Variants in AHCYL2 observed in about 807,000 individuals in gnomAD.
The protein encoded by AHCYL2 is adenosylhomocysteinase like 2, also known as S-adenosylhomocysteine hydrolase-like protein 2.
In AHCYL2, 28 loss-of-function variants were observed where a neutral mutation model predicts 81.4. The observed-to-expected ratio is 0.34, with a 90% CI of 0.25 to 0.47. The LOEUF is 0.47. Among genes scored for constraint, AHCYL2 ranks in the 20% least tolerant of loss-of-function variants. The probability of loss-of-function intolerance (pLI) is 1.00; values close to 1 mark genes in which losing one functional copy is unlikely to be tolerated. For synonymous variants in AHCYL2, 272 were observed against 290.2 expected, an observed-to-expected ratio of 0.94 and a Z score of 0.64; for missense variants, 551 against 785.1, an observed-to-expected ratio of 0.70 and a Z score of 3.56.
chr7:129,290,178 G>A (rs1022004661), intron 1 of AHCYL2, among the ~76,000 whole-genome samples: 2 of 152,136 alleles, frequency 1.3e-5, no homozygotes, highest in African/African-American at 2.4e-5. Context: ...AATGTCAAAT[G>A]AATGAGTTGA....
intron 1 of AHCYL2, among the ~76,000 whole-genome samples, chr7:129,237,555 GA>G (rs1794683335): frequency 4.5e-5 from 1 of 22,180 alleles, no homozygotes; most frequent in Admixed American, 9.1e-4. Flanking sequence ...CTATTTTAGC[GA>G]TTTTTTTTTT....
chr7:129,342,059 G>C (rs1170068465), intron 1 of AHCYL2, among the ~76,000 whole-genome samples: 1 of 152,136 alleles, frequency 6.6e-6, no homozygotes, highest in East Asian at 1.9e-4. Context: ...ATTAAGAGAA[G>C]GGAAGGAGAA....
At chr7:129,299,456 C>T (rs1158990579) in intron 1 of AHCYL2, among the ~76,000 whole-genome samples, 4 of 129,580 alleles carry the variant, frequency 3.1e-5, no homozygotes, top group South Asian at 2.6e-4. Context: ...TGCAGTGGCG[C>T]GATCTCGGCT....
Position 129,413,575 on chromosome 7 carries a change from C to T in AHCYL2, c.1367-19C>T, listed in dbSNP as rs569243714. Reference sequence around the variant, plus strand: ...TTATCTTTCTCCACTGCTGCTCAGACCTCTCTTCTGTTTTTAAGGTAACAA... The same window carrying T: ...TTATCTTTCTCCACTGCTGCTCAGATCTCTCTTCTGTTTTTAAGGTAACAA... On this transcript the variant is annotated intron_variant, in intron 11 of 16. Coordinates refer to ENST00000325006, the MANE Select transcript of AHCYL2 (RefSeq NM_015328.4). The T allele has an allele frequency of 1.0e-4, 160 of 1,591,484 alleles. No individual in the cohort carries two copies. Among genetic ancestry groups the T allele is most frequent in the Non-Finnish European group, 1.3e-4 (153 of 1,159,712 alleles).
intron 1 of AHCYL2, among the ~76,000 whole-genome samples, chr7:129,248,758 A>G (rs763117534): frequency 1.2e-4 from 18 of 152,032 alleles, no homozygotes; most frequent in South Asian, 2.1e-4. Flanking sequence ...CTGTAGGTCA[A>G]TTCGGGAGAA....
chr7:129,372,123 A>G (rs1331341260), intron 1 of AHCYL2, among the ~76,000 whole-genome samples: 1 of 152,262 alleles, frequency 6.6e-6, no homozygotes, highest in African/African-American at 2.4e-5. Flanking sequence ...CATCCATGGA[A>G]TATAGGTTAA....
chr7:129,287,007 GA>G, intron 1 of AHCYL2, among the ~76,000 whole-genome samples: 1 of 152,154 alleles, frequency 6.6e-6, no homozygotes, highest in East Asian at 1.9e-4. Flanking sequence ...ATATTTTCAT[GA>G]AAAGTAACTA....
intron 1 of AHCYL2, among the ~76,000 whole-genome samples, chr7:129,227,258 T>C (rs1164760395): frequency 6.6e-6 from 1 of 152,008 alleles, no homozygotes; most frequent in Non-Finnish European, 1.5e-5. Context: ...TTTATTTTAT[T>C]CCTCCCATCA....
chr7:129,291,118 T>C (rs1350088654), intron 1 of AHCYL2, among the ~76,000 whole-genome samples: 2 of 152,144 alleles, frequency 1.3e-5, no homozygotes, highest in African/African-American at 4.8e-5. Flanking sequence ...AAAAGCCACC[T>C]TTCCTCCCCT....
At chr7:129,355,861 A>G (rs976116195) in intron 1 of AHCYL2, among the ~76,000 whole-genome samples, 1 of 152,192 alleles carries the variant, frequency 6.6e-6, no homozygotes, top group East Asian at 1.9e-4. Flanking sequence ...AATATTCCCT[A>G]TTTGACTTCA....
At chr7:129,241,177 ACAC>A (rs1794839841) in intron 1 of AHCYL2, among the ~76,000 whole-genome samples, 1 of 152,214 alleles carries the variant, frequency 6.6e-6, no homozygotes, top group African/African-American at 2.4e-5. Flanking sequence ...AGTTTCTATC[ACAC>A]CAAGGGAGCC....
At chr7:129,331,956 G>A (rs1227766269) in intron 1 of AHCYL2, among the ~76,000 whole-genome samples, 1 of 151,854 alleles carries the variant, frequency 6.6e-6, no homozygotes, top group Non-Finnish European at 1.5e-5. Flanking sequence ...CTTGGGCACT[G>A]AGAGAGGTTA....
At chr7:129,309,491 G>A (rs2150773655) in intron 1 of AHCYL2, among the ~76,000 whole-genome samples, 1 of 152,090 alleles carries the variant, frequency 6.6e-6, no homozygotes, top group South Asian at 2.1e-4. Context: ...AGTGAGATGT[G>A]ATCACACCAC....
At chr7:129,399,593 T>TC (rs1186467091) in intron 5 of AHCYL2, among the ~76,000 whole-genome samples, 1 of 152,218 alleles carries the variant, frequency 6.6e-6, no homozygotes. Context: ...AGGGTTTTTT[T>TC]CTTAATAATA....
intron 1 of AHCYL2, among the ~76,000 whole-genome samples, chr7:129,231,501 T>C (rs918400716): frequency 6.6e-6 from 1 of 152,206 alleles, no homozygotes. Context: ...ATAAAGAATA[T>C]GCAGTTTGTT....
intron 1 of AHCYL2, among the ~76,000 whole-genome samples, chr7:129,250,025 G>C (rs1335400317): frequency 6.6e-6 from 1 of 152,174 alleles, no homozygotes; most frequent in African/African-American, 2.4e-5. Flanking sequence ...GGGGTACAAG[G>C]CTGGACGCAG....
intron 1 of AHCYL2, among the ~76,000 whole-genome samples, chr7:129,293,064 C>T (rs1022665713): frequency 3.9e-5 from 6 of 152,162 alleles, no homozygotes; most frequent in Non-Finnish European, 8.8e-5. Context: ...CTACTCCCAC[C>T]TCTGCCTCCT....
chr7:129,275,578 C>A, intron 1 of AHCYL2, among the ~76,000 whole-genome samples: 1 of 151,602 alleles, frequency 6.6e-6, no homozygotes. Context: ...TAATAGTAGC[C>A]AAAACTGATT....
intron 1 of AHCYL2, among the ~76,000 whole-genome samples, chr7:129,311,424 C>G (rs1241065060): frequency 6.6e-6 from 1 of 152,206 alleles, no homozygotes; most frequent in East Asian, 1.9e-4. Flanking sequence ...TAAATGCTGA[C>G]AAGTCCCAAA....
Sources: allele counts gnomAD v4.1 joint callset (sites outside exome capture counted in the v4.1 genomes callset), GRCh38; gene constraint gnomAD v4.1.1; transcripts MANE v1.5; gene names NCBI Gene and HGNC (gene_info 2026-07-23, HGNC 2026-07-21).